CRACR2A: variants seen among roughly 807,000 people sequenced by gnomAD.
CRACR2A encodes EF-hand calcium-binding domain-containing protein 4B.
Under a neutral mutation model 90.5 loss-of-function variants are expected in CRACR2A, and 79 were observed. That is an observed-to-expected ratio of 0.87 (90% CI 0.73 to 1.05). The LOEUF (loss-of-function observed/expected upper bound fraction) is 1.05, where lower values mean the gene tolerates loss of function less well. CRACR2A is among the 50% of genes least tolerant of loss of function. CRACR2A has a pLI of 0.00. For synonymous variants in CRACR2A, 338 were observed against 356.7 expected (o/e 0.95, Z 0.59); for missense variants, 823 against 897.2 (o/e 0.92, Z 1.06).
In CRACR2A at chr12:3,644,590, A is replaced by G. The variant is rs1591651453; in HGVS notation, c.1164+5T>C. 1.3e-6 allele frequency: 2 copies of G among 1,551,354 alleles called. No homozygotes were observed. The highest frequency in any genetic ancestry group is 1.7e-6 in the Non-Finnish European group (2 of 1,146,968). On this transcript the variant is annotated splice_donor_5th_base_variant and intron_variant, in intron 12 of 19. Transcript: ENST00000440314. ...CCCACAGGTAAGGGAGAACTGGCCAATTACCTGAAAACATATGTCCCGTTC... is the reference window on the plus strand; with the variant it reads ...CCCACAGGTAAGGGAGAACTGGCCAGTTACCTGAAAACATATGTCCCGTTC...
chr12:3,634,244 C>T (rs1944421906), intron 14 of CRACR2A, among the ~76,000 whole-genome samples: 1 of 152,202 alleles, frequency 6.6e-6, no homozygotes, highest in Non-Finnish European at 1.5e-5. Context: ...GGACAGGGAG[C>T]TCCTTATTTC....
chr12:3,623,205 G>T (rs1278288296), intron 17 of CRACR2A, among the ~76,000 whole-genome samples: 1 of 152,194 alleles, frequency 6.6e-6, no homozygotes, highest in Non-Finnish European at 1.5e-5. Flanking sequence ...GGGCGCCTTT[G>T]GGAAAGTCAC....
At chr12:3,642,628 G>C (rs1057116561) in intron 12 of CRACR2A, among the ~76,000 whole-genome samples, 1 of 152,240 alleles carries the variant, frequency 6.6e-6, no homozygotes, top group Non-Finnish European at 1.5e-5. Context: ...GATGTAATGA[G>C]AAAGTAACTA....
chr12:3,751,781 G>A (rs12314039), intron 1 of CRACR2A, among the ~76,000 whole-genome samples: 2 of 104,726 alleles, frequency 1.9e-5, no homozygotes, highest in African/African-American at 3.9e-5. Context: ...CTCGGAAGCC[G>A]TACCTGAAGC....
chr12:3,653,184 T>C (rs531652018), intron 10 of CRACR2A, among the ~76,000 whole-genome samples: 2 of 152,288 alleles, frequency 1.3e-5, no homozygotes, highest in Admixed American at 6.5e-5. Flanking sequence ...GGTTTCACCG[T>C]GTTGGTCAGG....
At chr12:3,673,677 C>A in intron 6 of CRACR2A, 85 bp from the exon 7 acceptor site, 4 of 1,510,658 alleles carry the variant, frequency 2.6e-6, no homozygotes, top group Non-Finnish European at 3.6e-6. Context: ...AAACTGACAG[C>A]CAGAAACAGT....
chr12:3,711,118 T>C lies in CRACR2A; in HGVS notation c.-37+2119A>G, dbSNP rs755231758. Among the ~76,000 whole-genome samples the C allele has an allele frequency of 1.3e-5, 2 of 152,188 alleles. No individual in the cohort carries two copies. The highest frequency in any genetic ancestry group is 2.9e-5 in the Non-Finnish European group (2 of 68,038). On this transcript the variant is annotated intron_variant, in intron 3 of 19. Coordinates refer to ENST00000440314, the MANE Select transcript of CRACR2A (RefSeq NM_001144958.2). This position sits in a 1 kb window ranked among gnomAD's most constrained non-coding sequence, Gnocchi z 4.3. The stretch of plus-strand genomic sequence containing the variant: ...TCATGTAAATATCATGTAAATTAGA[T>C]ATGGTTGAGACTCGGTATTATTCAT...
intron 7 of CRACR2A, 99 bp downstream of exon 7, chr12:3,673,347 A>G (rs993050115): frequency 2.8e-6 from 4 of 1,439,810 alleles, no homozygotes; most frequent in African/African-American, 1.4e-5. Context: ...AAAAGGAGGC[A>G]TTGCACGATG....
At position 3,638,156 on chromosome 12, in the gene CRACR2A, C is replaced by A. The variant is rs767588976; in HGVS notation, c.1570G>T (p.Gly524Trp). 3.2e-6 allele frequency: 5 copies of A among 1,548,822 alleles called. No homozygotes were observed. The highest frequency in any genetic ancestry group is 4.4e-6 in the Non-Finnish European group (5 of 1,144,858). The change falls in exon 14 of 20, where the codon GGG becomes TGG. Residue 524 changes from glycine to tryptophan, a missense_variant. Transcript: ENST00000440314. The stretch of plus-strand genomic sequence containing the variant: ...AGGGCTTCTTTTCCAACAGGCTGCC[C>A]TCGGGGGGATGTGGGGGTGAGTTTC... ...PLKLTPTSPR[G>W]QPVGKEALCK... is the part of the protein sequence containing the mutation.
chr12:3,622,678 G>A (rs1370698315), intron 17 of CRACR2A, among the ~76,000 whole-genome samples: 5 of 152,032 alleles, frequency 3.3e-5, no homozygotes, highest in African/African-American at 1.2e-4. Flanking sequence ...TTGCTAGGAG[G>A]CATGAAAAAG....
intron 7 of CRACR2A, among the ~76,000 whole-genome samples, chr12:3,668,069 C>G (rs911421027): frequency 6.6e-6 from 1 of 152,034 alleles, no homozygotes; most frequent in Non-Finnish European, 1.5e-5. Flanking sequence ...CAAATCATGC[C>G]CATGGTGTAC....
At chr12:3,744,237 T>TATTAAC (rs1946575126) in intron 1 of CRACR2A, among the ~76,000 whole-genome samples, 1 of 152,244 alleles carries the variant, frequency 6.6e-6, no homozygotes, top group Non-Finnish European at 1.5e-5. Context: ...TTTAACAGTT[T>TATTAAC]GGTAAATTCC....
chr12:3,730,585 T>C (rs1946345672), intron 2 of CRACR2A: 1 of 152,190 alleles, frequency 6.6e-6, no homozygotes, highest in Non-Finnish European at 1.5e-5. Flanking sequence ...ATTGCTAAAT[T>C]ATGGTAAATC....
intron 3 of CRACR2A, among the ~76,000 whole-genome samples, chr12:3,698,711 G>T (rs773204479): frequency 7.9e-5 from 12 of 152,198 alleles, no homozygotes; most frequent in Admixed American, 2.6e-4. Context: ...TTTTCATTCT[G>T]TCTTCCCCAG....
At chr12:3,687,289 C>T (rs1057426121) in intron 4 of CRACR2A, among the ~76,000 whole-genome samples, 4 of 151,718 alleles carry the variant, frequency 2.6e-5, no homozygotes, top group African/African-American at 9.7e-5. Context: ...TATTTCATCA[C>T]CCAGGTATTA....
At chr12:3,674,972 T>G (rs1239694277) in intron 6 of CRACR2A, among the ~76,000 whole-genome samples, 1 of 152,236 alleles carries the variant, frequency 6.6e-6, no homozygotes, top group Non-Finnish European at 1.5e-5. Flanking sequence ...CTTTATGTAA[T>G]GTATATTTCA....
At chr12:3,691,175 G>A (rs1340883192) in intron 4 of CRACR2A, among the ~76,000 whole-genome samples, 1 of 152,108 alleles carries the variant, frequency 6.6e-6, no homozygotes, top group Non-Finnish European at 1.5e-5. Flanking sequence ...TTAACATGTG[G>A]ATGTGATCTT....
At chr12:3,706,899 C>T (rs182799588) in intron 3 of CRACR2A, among the ~76,000 whole-genome samples, 4 of 152,348 alleles carry the variant, frequency 2.6e-5, no homozygotes, top group Admixed American at 2.6e-4. Flanking sequence ...CCACCACACC[C>T]AGTCTGTCAG....
intron 6 of CRACR2A, among the ~76,000 whole-genome samples, chr12:3,678,181 C>T (rs1318456828): frequency 2.0e-5 from 3 of 152,186 alleles, no homozygotes; most frequent in Non-Finnish European, 4.4e-5. Flanking sequence ...TTTCTACTAG[C>T]TGTAACACCA....
Sources: allele counts gnomAD v4.1 joint callset (sites outside exome capture counted in the v4.1 genomes callset), GRCh38; gene constraint gnomAD v4.1.1; non-coding constraint Gnocchi (gnomAD v3.1); transcripts MANE v1.5; gene names NCBI Gene and HGNC (gene_info 2026-07-23, HGNC 2026-07-21).